SPATA17: variants seen among roughly 807,000 people sequenced by gnomAD.
SPATA17 encodes spermatogenesis-associated protein 17.
A neutral mutation model predicts 62.2 loss-of-function variants in SPATA17; 53 were observed. The ratio of observed to expected loss-of-function variants is 0.85; its 90% CI spans 0.68 to 1.07. The LOEUF is 1.07. Ranked by LOEUF, SPATA17 falls within the 50% of genes least tolerant of loss-of-function variation. The pLI, the probability that SPATA17 is intolerant of heterozygous loss-of-function variation, is 0.00. For synonymous variants in SPATA17, 146 were observed against 146.8 expected (o/e 0.99, Z 0.04); for missense variants, 466 against 425.5 (o/e 1.10, Z -0.84).
At position 217,770,978 on chromosome 1, in the gene SPATA17, A is replaced by ATTTTTTTTTTTTTTTTTTTTTTT. The variant is rs374042087; in HGVS notation, c.520-3348_520-3326dup. Among the ~76,000 whole-genome samples, 32 of 50,152 alleles carry ATTTTTTTTTTTTTTTTTTTTTTT rather than the reference A, an allele frequency of 6.4e-4. 3 individuals are homozygous for ATTTTTTTTTTTTTTTTTTTTTTT. Among genetic ancestry groups the ATTTTTTTTTTTTTTTTTTTTTTT allele is most frequent in the South Asian group, 1.0e-3 (1 of 998 alleles). 32.9% of individuals were successfully genotyped at this position (50,152 alleles called of 152,430 possible). A position where few individuals can be genotyped will look rare whatever the true frequency, so the allele number is the denominator to read the frequency against. ...ATGTATCTATTATATAACTCATTGC[A>ATTTTTTTTTTTTTTTTTTTTTTT]TTTTTTTTTTTTTTTTTTTTTTTTT... On this transcript the variant is annotated intron_variant, in intron 6 of 10. Coordinates refer to ENST00000366933, the MANE Select transcript of SPATA17 (RefSeq NM_138796.4).
chr1:217,760,427 T>C (rs1342176165), intron 6 of SPATA17, among the ~76,000 whole-genome samples: 5 of 152,218 alleles, frequency 3.3e-5, no homozygotes, highest in Non-Finnish European at 5.9e-5. Flanking sequence ...CTATATCTAA[T>C]AGATACTTTA....
At chr1:217,766,740 T>C (rs1339357285) in intron 6 of SPATA17, among the ~76,000 whole-genome samples, 1 of 150,990 alleles carries the variant, frequency 6.6e-6, no homozygotes, top group Admixed American at 6.6e-5. Flanking sequence ...TTTTTTATCT[T>C]GTCTTTTCTC....
chr1:217,634,766 A>G (rs780669792), intron 1 of SPATA17, among the ~76,000 whole-genome samples: 29 of 152,364 alleles, frequency 1.9e-4, no homozygotes, highest in Non-Finnish European at 5.9e-5. Flanking sequence ...AGTTCAGCCT[A>G]TGTCAGGAAT....
At chr1:217,838,360 TG>T in intron 9 of SPATA17, among the ~76,000 whole-genome samples, 1 of 152,202 alleles carries the variant, frequency 6.6e-6, no homozygotes, top group South Asian at 2.1e-4. Flanking sequence ...TGCCCTCTAG[TG>T]TTGTAGAGAA....
At chr1:217,826,640 A>G (rs1460397859) in intron 9 of SPATA17, among the ~76,000 whole-genome samples, 1 of 152,090 alleles carries the variant, frequency 6.6e-6, no homozygotes, top group African/African-American at 2.4e-5. Flanking sequence ...CTTATTACTT[A>G]TAACTAACTT....
chr1:217,817,229 C>T (rs553212196), intron 9 of SPATA17, among the ~76,000 whole-genome samples: 22 of 152,114 alleles, frequency 1.4e-4, no homozygotes, highest in Admixed American at 4.6e-4. Flanking sequence ...GCTATGTCTC[C>T]GCCCAAATCG....
intron 6 of SPATA17, among the ~76,000 whole-genome samples, chr1:217,759,592 A>G (rs1198285875): frequency 6.6e-6 from 1 of 152,206 alleles, no homozygotes; most frequent in East Asian, 1.9e-4. Context: ...CAGCAAGGGA[A>G]GTGGTTTTCT....
intron 6 of SPATA17, among the ~76,000 whole-genome samples, chr1:217,765,215 A>G (rs1673270159): frequency 1.3e-5 from 2 of 150,622 alleles, no homozygotes; most frequent in South Asian, 4.2e-4. Context: ...TTTCCAAAGA[A>G]CCAGCTTTTG....
intron 5 of SPATA17, among the ~76,000 whole-genome samples, chr1:217,714,488 C>CTTTTTTTGTTTTTTT (rs1671952686): frequency 8.2e-6 from 1 of 121,432 alleles, no homozygotes; most frequent in Non-Finnish European, 1.7e-5. Context: ...AAACGTGTTT[C>CTTTTTTTGTTTTTTT]TTTTTTTTTT....
At chr1:217,759,550 A>G (rs1673123710) in intron 6 of SPATA17, among the ~76,000 whole-genome samples, 1 of 152,188 alleles carries the variant, frequency 6.6e-6, no homozygotes, top group Non-Finnish European at 1.5e-5. Context: ...ACTGTGATAC[A>G]AAGGAATACT....
chr1:217,821,764 A>T (rs1674868908), intron 9 of SPATA17, among the ~76,000 whole-genome samples: 1 of 152,074 alleles, frequency 6.6e-6, no homozygotes, highest in Non-Finnish European at 1.5e-5. Flanking sequence ...CTCCGATTTT[A>T]TATTAATTTG....
intron 5 of SPATA17, among the ~76,000 whole-genome samples, chr1:217,712,427 A>G (rs1255641280): frequency 6.6e-6 from 1 of 152,136 alleles, no homozygotes; most frequent in Non-Finnish European, 1.5e-5. Context: ...CACCTGGCCT[A>G]CAATATGTTC....
At chr1:217,700,653 C>A (rs1405269598) in intron 5 of SPATA17, among the ~76,000 whole-genome samples, 3 of 151,746 alleles carry the variant, frequency 2.0e-5, no homozygotes. Context: ...ATGGTGCGAT[C>A]TCTGCTCACT....
chr1:217,846,215 A>G (rs1675524249), intron 9 of SPATA17, among the ~76,000 whole-genome samples: 1 of 152,110 alleles, frequency 6.6e-6, no homozygotes, highest in African/African-American at 2.4e-5. Flanking sequence ...CCTATATCGT[A>G]ATCTATATCA....
chr1:217,862,951 C>A (rs1300702614), intron 10 of SPATA17, 95 bp downstream of exon 10: 2 of 695,186 alleles, frequency 2.9e-6, no homozygotes, highest in Non-Finnish European at 4.7e-6. Flanking sequence ...ATTTTAAAAA[C>A]CATGCTATAA....
chr1:217,850,774 T>C lies in SPATA17; in HGVS notation c.1006-12000T>C, dbSNP rs114411918. 1,422 of 577,256 alleles carry C rather than the reference T, an allele frequency of 2.5e-3. 7 individuals carry two copies. The highest frequency in any genetic ancestry group is 0.017 in the African/African-American group (894 of 52,944). The allele number at this position is 577,256 out of a possible 1,614,324, so 35.8% of individuals were successfully genotyped here. On this transcript the variant is annotated intron_variant, in intron 9 of 10. Coordinates refer to ENST00000366933, the MANE Select transcript of SPATA17 (RefSeq NM_138796.4). The stretch of plus-strand genomic sequence containing the variant: ...TACATATAGTTTTTATTTTTATGTA[T>C]ATTTGAATGTGGTAGATGTAGGATA...
chr1:217,773,179 C>G (rs756813675), intron 6 of SPATA17, among the ~76,000 whole-genome samples: 9 of 152,072 alleles, frequency 5.9e-5, no homozygotes, highest in African/African-American at 1.9e-4. Context: ...CTTAGGTTTT[C>G]GAAGACAGCT....
At chr1:217,683,217 G>A (rs1215128944) in intron 4 of SPATA17, 41 bp from the exon 5 acceptor site, 1 of 1,356,580 alleles carries the variant, frequency 7.4e-7, no homozygotes, top group Non-Finnish European at 1.0e-6. Flanking sequence ...TTTAATAAAA[G>A]TGTTTAATGG....
At chr1:217,820,738 A>G (rs1267692977) in intron 9 of SPATA17, among the ~76,000 whole-genome samples, 2 of 152,074 alleles carry the variant, frequency 1.3e-5, no homozygotes, top group African/African-American at 2.4e-5. Flanking sequence ...AACAGCCTTT[A>G]CTAGAATCAC....
Sources: allele counts gnomAD v4.1 joint callset (sites outside exome capture counted in the v4.1 genomes callset), GRCh38; gene constraint gnomAD v4.1.1; transcripts MANE v1.5; gene names NCBI Gene and HGNC (gene_info 2026-07-23, HGNC 2026-07-21).